DSCC1: variants seen among roughly 807,000 people sequenced by gnomAD.
DSCC1 encodes sister chromatid cohesion protein DCC1.
Under a neutral mutation model 48.2 loss-of-function variants are expected in DSCC1, and 32 were observed. The ratio of observed to expected loss-of-function variants is 0.66; its 90% CI spans 0.50 to 0.89. The LOEUF is 0.89. DSCC1 is among the 40% of genes least tolerant of loss of function. The pLI, the probability that DSCC1 is intolerant of heterozygous loss-of-function variation, is 0.00. For missense variants in DSCC1, 421 were observed against 471.7 expected, an observed-to-expected ratio of 0.89 and a Z score of 1.00; for synonymous variants, 150 against 171.5, an observed-to-expected ratio of 0.87 and a Z score of 0.98.
In DSCC1 at chr8:119,842,802, C is replaced by A. The variant is rs947740376; in HGVS notation, c.743G>T (p.Cys248Phe). The change falls in exon 6 of 9, where the codon TGT becomes TTT. Residue 248 changes from cysteine (C) to phenylalanine (F), a missense_variant. By Grantham distance (205) the Cys-to-Phe change is radical. This residue lies in a region of DSCC1 where 238 missense variants were observed against 259.0 expected (regional missense o/e 0.92). Coordinates refer to ENST00000313655, the MANE Select transcript of DSCC1 (RefSeq NM_024094.3). Reference sequence around the variant, plus strand: ...TTCATCTACATATTTCTTCCCATAACATTTAAGACAGTGTTCTATCATTTC... The same window carrying A: ...TTCATCTACATATTTCTTCCCATAAAATTTAAGACAGTGTTCTATCATTTC... ...PEEMIEHCLK[C>F]YGKKYVDEGE... The A allele has an allele frequency of 6.2e-7, 1 of 1,600,952 alleles. No homozygotes were observed. Among genetic ancestry groups the A allele is most frequent in the Non-Finnish European group, 8.5e-7 (1 of 1,175,362 alleles).
chr8:119,854,451 G>C (rs1339326021), intron 1 of DSCC1, among the ~76,000 whole-genome samples: 1 of 152,052 alleles, frequency 6.6e-6, no homozygotes, highest in African/African-American at 2.4e-5. Flanking sequence ...TTTTGACTAA[G>C]TCTTCATTTA....
At chr8:119,849,409 A>G (rs1017937384) in intron 3 of DSCC1, among the ~76,000 whole-genome samples, 1 of 152,168 alleles carries the variant, frequency 6.6e-6, no homozygotes, top group African/African-American at 2.4e-5. Flanking sequence ...TCCGTCTGCA[A>G]ACAAAACAAA....
At position 119,853,027 on chromosome 8, in the gene DSCC1, C is replaced by CA; in HGVS notation, c.351+19dup. 6.5e-7 allele frequency: 1 copy of CA among 1,542,082 alleles called. No individual in the cohort carries two copies. Among genetic ancestry groups the CA allele is most frequent in the Non-Finnish European group, 8.8e-7 (1 of 1,138,360 alleles). ...TTTTCATTCTCAGACTTTTATAAATCAGAGTACAGAAAAGAGCACCTCAGT... is the reference window on the plus strand; with the variant it reads ...TTTTCATTCTCAGACTTTTATAAATCAAGAGTACAGAAAAGAGCACCTCAGT... On this transcript the variant is annotated intron_variant, in intron 2 of 8. Transcript: ENST00000313655.
chr8:119,836,349 A>G lies in DSCC1; in HGVS notation c.1074-1348T>C, dbSNP rs527340888. On this transcript the variant is annotated intron_variant, in intron 8 of 8. Coordinates refer to ENST00000313655, the MANE Select transcript of DSCC1 (RefSeq NM_024094.3). ...GGAGCCAATGAGTTGACGATTATGGAAGATGAGCAGTGGATATATGGAGGT... is the reference window on the plus strand; with the variant it reads ...GGAGCCAATGAGTTGACGATTATGGGAGATGAGCAGTGGATATATGGAGGT... Among the ~76,000 whole-genome samples the G allele has an allele frequency of 7.2e-5, 11 of 152,320 alleles. No individual in the cohort carries two copies. In the South Asian group the frequency reaches 2.3e-3, roughly 32 times the overall value.
Position 119,855,787 on chromosome 8 carries a change from C to T in DSCC1, c.9G>A (p.Arg3=), listed in dbSNP as rs1214051256. ...GCGTCGCATCCACCTCGTCGCGGGT[C>T]CTCTTCATCGCAGCGCCGGGTCTAG... The part of the protein sequence containing the change: MK[R]TRDEVDATLQ... The change falls in exon 1 of 9, where the codon AGG becomes AGA. Residue 3 remains arginine, a synonymous_variant. Coordinates refer to ENST00000313655, the MANE Select transcript of DSCC1 (RefSeq NM_024094.3). 6 of 1,534,690 alleles carry T rather than the reference C, an allele frequency of 3.9e-6. No individual in the cohort carries two copies. In the Admixed American group the frequency reaches 5.7e-5, roughly 15 times the overall value.
At chr8:119,836,381 A>T (rs1336853081) in intron 8 of DSCC1, among the ~76,000 whole-genome samples, 2 of 152,236 alleles carry the variant, frequency 1.3e-5, no homozygotes, top group Non-Finnish European at 2.9e-5. Flanking sequence ...AGGTCTCATT[A>T]TATTGTCATT....
At chr8:119,849,632 C>T (rs1357212975) in intron 3 of DSCC1, among the ~76,000 whole-genome samples, 1 of 152,098 alleles carries the variant, frequency 6.6e-6, no homozygotes, top group Non-Finnish European at 1.5e-5. Flanking sequence ...CTAAAGGCTA[C>T]AGGGTTTCTT....
At chr8:119,849,632 C>G (rs1357212975) in intron 3 of DSCC1, among the ~76,000 whole-genome samples, 1 of 152,098 alleles carries the variant, frequency 6.6e-6, no homozygotes, top group Non-Finnish European at 1.5e-5. Context: ...CTAAAGGCTA[C>G]AGGGTTTCTT....
chr8:119,838,587 G>T, intron 7 of DSCC1, 180 bp from the exon 8 acceptor site: 1 of 562,906 alleles, frequency 1.8e-6, no homozygotes, highest in African/African-American at 2.0e-5. Context: ...TTTAAGCAGT[G>T]ACTTCTTTCC....
intron 1 of DSCC1, among the ~76,000 whole-genome samples, chr8:119,854,133 C>T (rs1277783433): frequency 6.6e-6 from 1 of 152,088 alleles, no homozygotes; most frequent in African/African-American, 2.4e-5. Flanking sequence ...GATCGCCTGA[C>T]CCCAAGTAGT....
At chr8:119,838,524 GAAACTT>G (rs2131293632) in intron 7 of DSCC1, 117 bp from the exon 8 acceptor site, 1 of 1,254,592 alleles carries the variant, frequency 8.0e-7, no homozygotes, top group South Asian at 2.0e-5. Flanking sequence ...TCAGCTACAT[GAAACTT>G]AAACTATCCA....
intron 4 of DSCC1, 150 bp from the exon 5 acceptor site, chr8:119,843,897 C>T (rs533715226): frequency 1.3e-5 from 10 of 748,862 alleles, no homozygotes; most frequent in Middle Eastern, 8.0e-4. Context: ...CCATCTCAGT[C>T]TCCTGAGCAG....
intron 2 of DSCC1, 151 bp downstream of exon 2, chr8:119,852,896 T>C (rs1418533591): frequency 7.9e-6 from 5 of 632,162 alleles, no homozygotes; most frequent in Non-Finnish European, 1.2e-5. Context: ...ATAATAATAA[T>C]AATAATGCTG....
chr8:119,835,277 T>A (rs1210799743), intron 8 of DSCC1, among the ~76,000 whole-genome samples: 3 of 151,994 alleles, frequency 2.0e-5, no homozygotes, highest in Non-Finnish European at 4.4e-5. Context: ...GAGGCCGAGG[T>A]GGGCAGATCA....
Position 119,834,907 on chromosome 8 carries a change from T to C in DSCC1, c.1168A>G (p.Arg390Gly). The C allele has an allele frequency of 6.2e-7, 1 of 1,600,114 alleles. No homozygotes were observed. Residue 390 changes from arginine to glycine, a missense_variant, in exon 9 of 9, where the codon AGA becomes GGA. Transcript: ENST00000313655. ...QNGVKVYNSR[R>G]PIS Reference sequence around the variant, plus strand: ...CCGTTGTTCTTTTAAGAAATGGGTCTTCTCGAATTATAAACTTTAACACCA... The same window carrying C: ...CCGTTGTTCTTTTAAGAAATGGGTCCTCTCGAATTATAAACTTTAACACCA...
At position 119,855,664 on chromosome 8, in the gene DSCC1, G is replaced by A; in HGVS notation, c.132C>T (p.Cys44=). The A allele has an allele frequency of 6.5e-7, 1 of 1,548,874 alleles. No individual in the cohort carries two copies. ...GASGAAAGDF[C]LLELEPTLCQ... is the part of the protein sequence containing the mutation. ...ACAGCGTGGGCTCCAGCTCCAGCAG[G>A]CAGAAGTCGCCGGCTGCAGCGCCGC... The change falls in exon 1 of 9, where the codon TGC becomes TGT. Residue 44 remains cysteine (C), a synonymous_variant. Transcript: ENST00000313655.
chr8:119,846,536 C>T (rs547745780), intron 4 of DSCC1, among the ~76,000 whole-genome samples: 10 of 152,256 alleles, frequency 6.6e-5, no homozygotes, highest in Non-Finnish European at 1.0e-4. Flanking sequence ...AATCTCTATC[C>T]TACAACAAGA....
intron 5 of DSCC1, 24 bp downstream of exon 5, chr8:119,843,585 T>G (rs1262436803): frequency 6.3e-7 from 1 of 1,595,536 alleles, no homozygotes; most frequent in Non-Finnish European, 8.5e-7. Context: ...GAAATCTGGA[T>G]AGACAAGAAA....
intron 3 of DSCC1, among the ~76,000 whole-genome samples, chr8:119,850,158 A>G (rs1353253230): frequency 6.6e-6 from 1 of 152,212 alleles, no homozygotes; most frequent in Non-Finnish European, 1.5e-5. Flanking sequence ...AAGGGGATAG[A>G]AGAAAGAAGA....
Sources: gnomAD v4.1 joint callset for allele counts (sites outside exome capture counted in the v4.1 genomes callset) on GRCh38, gnomAD v4.1.1 for gene constraint, gnomAD v4.1.1 regional missense constraint, MANE v1.5 for transcripts, NCBI Gene and HGNC (gene_info 2026-07-23, HGNC 2026-07-21) for gene names.